Variants in KCNIP4 observed in about 807,000 individuals in gnomAD.
KCNIP4 encodes the protein potassium voltage-gated channel interacting protein 4.
A neutral mutation model predicts 34.0 loss-of-function variants in KCNIP4; 12 were observed. That is an observed-to-expected ratio of 0.35 (90% confidence interval 0.23 to 0.57). KCNIP4 has a LOEUF of 0.57. KCNIP4 is among the 20% of genes least tolerant of loss of function. The pLI, the probability that KCNIP4 is intolerant of heterozygous loss-of-function variation, is 0.83. For missense variants in KCNIP4, 238 were observed against 311.7 expected (o/e 0.76, Z 1.78); for synonymous variants, 124 against 102.2 (o/e 1.21, Z -1.29).
intron 3 of KCNIP4, among the ~76,000 whole-genome samples, chr4:20,786,540 A>C (rs763367698): frequency 6.6e-6 from 1 of 152,204 alleles, no homozygotes; most frequent in Non-Finnish European, 1.5e-5. Flanking sequence ...TATAATGAGC[A>C]TAGTGTTGTA....
chr4:20,817,108 G>T (rs537522437), intron 3 of KCNIP4, among the ~76,000 whole-genome samples: 31 of 152,032 alleles, frequency 2.0e-4, no homozygotes, highest in Admixed American at 3.9e-4. Flanking sequence ...TGTCACAAAG[G>T]TTCAGTCAAT....
intron 1 of KCNIP4, among the ~76,000 whole-genome samples, chr4:21,946,873 T>C (rs917531640): frequency 1.0e-3 from 152 of 152,296 alleles, no homozygotes; most frequent in African/African-American, 3.5e-3. Flanking sequence ...CTTTTTTAAA[T>C]GTATAGTACT....
intron 1 of KCNIP4, among the ~76,000 whole-genome samples, chr4:21,497,918 A>G (rs1732982924): frequency 6.6e-6 from 1 of 152,158 alleles, no homozygotes; most frequent in African/African-American, 2.4e-5. Flanking sequence ...GAAAATCTGT[A>G]CTGATATATA....
At chr4:21,511,180 T>C (rs2109921159) in intron 1 of KCNIP4, among the ~76,000 whole-genome samples, 1 of 152,252 alleles carries the variant, frequency 6.6e-6, no homozygotes, top group East Asian at 1.9e-4. Flanking sequence ...GCTTCTCAGG[T>C]TTGTTAGCTT....
intron 3 of KCNIP4, among the ~76,000 whole-genome samples, chr4:20,780,839 G>C (rs985134582): frequency 6.6e-6 from 1 of 152,328 alleles, no homozygotes; most frequent in African/African-American, 2.4e-5. Flanking sequence ...AGATATGTGA[G>C]TCAATAAACC....
At chr4:20,821,197 A>G (rs1285883330) in intron 3 of KCNIP4, among the ~76,000 whole-genome samples, 2 of 152,230 alleles carry the variant, frequency 1.3e-5, no homozygotes, top group Non-Finnish European at 2.9e-5. Context: ...AGAAGGCAGG[A>G]CATGGAGTCA....
chr4:20,820,958 G>C (rs1210885925), intron 3 of KCNIP4, among the ~76,000 whole-genome samples: 1 of 152,208 alleles, frequency 6.6e-6, no homozygotes, highest in African/African-American at 2.4e-5. Context: ...CCAAGCTGTG[G>C]AGGCATAGCT....
At chr4:21,273,533 C>A (rs1439876813) in intron 1 of KCNIP4, among the ~76,000 whole-genome samples, 1 of 152,130 alleles carries the variant, frequency 6.6e-6, no homozygotes, top group Non-Finnish European at 1.5e-5. Context: ...AGTGGCTTGA[C>A]TCACTCCATA....
At chr4:20,771,447 C>G (rs965842625) in intron 3 of KCNIP4, among the ~76,000 whole-genome samples, 10 of 152,130 alleles carry the variant, frequency 6.6e-5, no homozygotes, top group African/African-American at 2.4e-4. Flanking sequence ...TAAGCTACAA[C>G]CTTCTTGTCC....
chr4:21,576,346 A>G (rs1346414479), intron 1 of KCNIP4, among the ~76,000 whole-genome samples: 1 of 152,174 alleles, frequency 6.6e-6, no homozygotes, highest in Non-Finnish European at 1.5e-5. Context: ...CAGTTCCCGT[A>G]GGTATAACAT....
chr4:20,780,147 C>T (rs937047360), intron 3 of KCNIP4, among the ~76,000 whole-genome samples: 1 of 152,036 alleles, frequency 6.6e-6, no homozygotes, highest in Non-Finnish European at 1.5e-5. Context: ...CTGGTGATCC[C>T]AAAGGTCTTG....
intron 1 of KCNIP4, among the ~76,000 whole-genome samples, chr4:21,608,467 G>T (rs965846455): frequency 6.6e-6 from 1 of 152,122 alleles, no homozygotes; most frequent in Non-Finnish European, 1.5e-5. Flanking sequence ...TCCTTGGCTT[G>T]TGTCTCCTTC....
chr4:21,885,832 G>A (rs1726732290), intron 1 of KCNIP4, among the ~76,000 whole-genome samples: 1 of 152,140 alleles, frequency 6.6e-6, no homozygotes, highest in African/African-American at 2.4e-5. Context: ...GCATCCTGAT[G>A]ATCACATGAA....
At chr4:21,899,153 T>C (rs778266398) in intron 1 of KCNIP4, among the ~76,000 whole-genome samples, 9 of 152,184 alleles carry the variant, frequency 5.9e-5, no homozygotes, top group Admixed American at 2.0e-4. Flanking sequence ...ATCAATGTGA[T>C]ACATAATGTC....
At chr4:21,649,514 T>A (rs1293507453) in intron 1 of KCNIP4, among the ~76,000 whole-genome samples, 1 of 152,180 alleles carries the variant, frequency 6.6e-6, no homozygotes, top group African/African-American at 2.4e-5. Flanking sequence ...ATAGGAAGAA[T>A]GGGATGTCTT....
At chr4:20,937,267 C>CTTTTTTTT (rs1560584115) in intron 1 of KCNIP4, among the ~76,000 whole-genome samples, 2 of 88,146 alleles carry the variant, frequency 2.3e-5, no homozygotes, top group Non-Finnish European at 2.1e-5. Context: ...CAGAGTTTTG[C>CTTTTTTTT]TCTGTTGCCC....
intron 1 of KCNIP4, among the ~76,000 whole-genome samples, chr4:21,605,732 G>A (rs996348737): frequency 3.5e-4 from 54 of 152,120 alleles, no homozygotes; most frequent in East Asian, 5.8e-4. Context: ...CGCCTACCTC[G>A]GCCTCCCAAA....
chr4:21,860,289 A>C (rs776904654), intron 1 of KCNIP4, among the ~76,000 whole-genome samples: 1 of 151,970 alleles, frequency 6.6e-6, no homozygotes, highest in Non-Finnish European at 1.5e-5. Flanking sequence ...ATGTGCCACC[A>C]CACCCGGCTG....
chr4:21,577,368 C>G (rs565494811), intron 1 of KCNIP4, among the ~76,000 whole-genome samples: 1 of 152,042 alleles, frequency 6.6e-6, no homozygotes, highest in East Asian at 1.9e-4. Flanking sequence ...TGTGGCTCAC[C>G]CCTGTAATCC....
Sources: gnomAD v4.1 joint callset for allele counts (sites outside exome capture counted in the v4.1 genomes callset) on GRCh38, gnomAD v4.1.1 for gene constraint, MANE v1.5 for transcripts, NCBI Gene and HGNC (gene_info 2026-07-23, HGNC 2026-07-21) for gene names.